The following TEX2 variants were observed in gnomAD, a reference collection of about 807,000 sequenced individuals.
The protein encoded by TEX2 is testis expressed 2, also known as testis-expressed protein 2.
In TEX2, 53 loss-of-function variants were observed where a neutral mutation model predicts 106.9. That is an observed-to-expected ratio of 0.50 (90% CI 0.40 to 0.62). The LOEUF is 0.62. Among genes scored for constraint, TEX2 ranks in the 20% least tolerant of loss-of-function variants. TEX2 has a pLI of 0.00. For missense variants in TEX2, 1,207 were observed against 1,379.0 expected (o/e 0.88, Z 1.98); for synonymous variants, 523 against 534.8 (o/e 0.98, Z 0.30).
intron 1 of TEX2, among the ~76,000 whole-genome samples, chr17:64,262,932 G>A (rs1325298589): frequency 1.3e-5 from 2 of 152,124 alleles, no homozygotes; most frequent in Non-Finnish European, 2.9e-5. Flanking sequence ...CGCCGGAGTC[G>A]AGCCCGAGCC....
chr17:64,206,796 T>C (rs2032848779), intron 2 of TEX2, among the ~76,000 whole-genome samples: 1 of 152,084 alleles, frequency 6.6e-6, no homozygotes, highest in African/African-American at 2.4e-5. Flanking sequence ...ACTCCTGACC[T>C]CACATGATCC....
chr17:64,159,441 A>G (rs1483596241), intron 8 of TEX2, among the ~76,000 whole-genome samples: 1 of 152,132 alleles, frequency 6.6e-6, no homozygotes, highest in Non-Finnish European at 1.5e-5. Context: ...CAGCAGGACA[A>G]GGAATTGAGT....
At chr17:64,208,355 C>T (rs1555631080) in intron 2 of TEX2, among the ~76,000 whole-genome samples, 1 of 151,874 alleles carries the variant, frequency 6.6e-6, no homozygotes, top group Admixed American at 6.6e-5. Context: ...CTTCCTGCCT[C>T]AGCCTCTCGA....
At chr17:64,257,654 C>T (rs1460716395) in intron 1 of TEX2, among the ~76,000 whole-genome samples, 3 of 152,202 alleles carry the variant, frequency 2.0e-5, no homozygotes, top group African/African-American at 7.2e-5. Context: ...TCTCAGTTAT[C>T]AGATCAACTG....
rs544142997 is a variant in TEX2 at position 64,195,509 on chromosome 17, T to C, written c.1645-414A>G. 1.3e-5 allele frequency among the ~76,000 whole-genome samples: 2 copies of C among 152,292 alleles called. No individual in the cohort carries two copies. The highest frequency in any genetic ancestry group is 4.1e-4 in the South Asian group (2 of 4,826). On this transcript the variant is annotated intron_variant, in intron 2 of 11. Coordinates refer to ENST00000584379, the MANE Select transcript of TEX2 (RefSeq NM_001288732.2). This position sits in a 1 kb window ranked among gnomAD's most constrained non-coding sequence, Gnocchi z 4.1. Reference sequence around the variant, plus strand: ...CATGCTCTTCCCAGCCCAGTTGGAATCTTTGAAATTTCAGGTATTAATTCA... The same window carrying C: ...CATGCTCTTCCCAGCCCAGTTGGAACCTTTGAAATTTCAGGTATTAATTCA...
At chr17:64,175,739 G>A (rs2031592633) in intron 6 of TEX2, among the ~76,000 whole-genome samples, 1 of 152,214 alleles carries the variant, frequency 6.6e-6, no homozygotes, top group Non-Finnish European at 1.5e-5. Flanking sequence ...AGCACTCCTG[G>A]CTCAAGTCAG....
chr17:64,211,349 A>G (rs1555631527), intron 2 of TEX2, among the ~76,000 whole-genome samples: 1 of 152,222 alleles, frequency 6.6e-6, no homozygotes, highest in Non-Finnish European at 1.5e-5. Flanking sequence ...TGGAAGCATC[A>G]AACTCCTGGA....
intron 10 of TEX2, 31 bp downstream of exon 10, chr17:64,152,914 C>G (rs376964225): frequency 1.9e-4 from 304 of 1,600,192 alleles, no homozygotes; most frequent in Non-Finnish European, 2.4e-4. Context: ...TAGGAGGAAT[C>G]ACTTATTGTC....
rs373041636 is a variant in TEX2 at position 64,203,179 on chromosome 17, G to A, written c.1645-8084C>T. 2.6e-5 allele frequency among the ~76,000 whole-genome samples: 4 copies of A among 152,330 alleles called. No homozygotes were observed. The East Asian group carries it at 5.8e-4, about 22-fold the overall frequency. On this transcript the variant is annotated intron_variant, in intron 2 of 11. Coordinates refer to ENST00000584379, the MANE Select transcript of TEX2 (RefSeq NM_001288732.2). ...TTGATACTGAGCTGACCAGAGAAAA[G>A]TGCCAGCCCTATAGCCCGAGGAAGT...
In TEX2 at chr17:64,213,498, G is replaced by C; in HGVS notation, c.720C>G (p.Ser240=). The C allele has an allele frequency of 6.2e-7, 1 of 1,614,126 alleles. No homozygotes were observed. The highest frequency in any genetic ancestry group is 8.5e-7 in the Non-Finnish European group (1 of 1,180,000). The change falls in exon 2 of 12, where the codon TCC becomes TCG. Residue 240 remains serine, a synonymous_variant. Coordinates refer to ENST00000584379, the MANE Select transcript of TEX2 (RefSeq NM_001288732.2). The surrounding 1 kb of genome is among the most constrained non-coding windows in gnomAD (Gnocchi z 4.4). ...SDTVSYKPPD[S]KLNLHLFKQF... is the part of the protein sequence containing the mutation. ...GCTTGAACAGGTGTAAGTTCAGTTT[G>C]GAATCAGGTGGCTTATAGGACACTG...
At chr17:64,206,533 G>A (rs1276756764) in intron 2 of TEX2, among the ~76,000 whole-genome samples, 5 of 145,960 alleles carry the variant, frequency 3.4e-5, no homozygotes, top group African/African-American at 1.3e-4. Context: ...CAGCTCTTTG[G>A]CCACATAGAG....
intron 7 of TEX2, among the ~76,000 whole-genome samples, chr17:64,165,017 C>A (rs1197896657): frequency 2.6e-5 from 4 of 152,258 alleles, no homozygotes; most frequent in Admixed American, 6.5e-5. Context: ...ACCCTGCACA[C>A]CTGAACTTGG....
chr17:64,260,863 G>A (rs144143470), intron 1 of TEX2, among the ~76,000 whole-genome samples: 14 of 152,308 alleles, frequency 9.2e-5, no homozygotes, highest in African/African-American at 3.4e-4. Context: ...TAGAGAACAA[G>A]AGACAGTGTG....
intron 1 of TEX2, among the ~76,000 whole-genome samples, chr17:64,237,625 A>C (rs2033798901): frequency 1.3e-5 from 2 of 152,154 alleles, no homozygotes; most frequent in Admixed American, 6.5e-5. Flanking sequence ...GATGAAATGC[A>C]TGGAACTTGA....
chr17:64,187,285 T>C (rs62071562), intron 5 of TEX2, among the ~76,000 whole-genome samples: 12,835 of 152,182 alleles, frequency 0.084, 631 homozygotes, highest in Non-Finnish European at 0.11. Context: ...GACTGAGAAT[T>C]TGAAAATACA....
rs1333113162 is a variant in TEX2 at position 64,171,218 on chromosome 17, C to A, written c.2572-19G>T. 4 of 1,604,512 alleles carry A rather than the reference C, an allele frequency of 2.5e-6. No homozygotes were observed. The African/African-American group carries it at 4.0e-5, about 16-fold the overall frequency. On this transcript the variant is annotated intron_variant, in intron 6 of 11. Transcript: ENST00000584379. ...AGGGGAGCTAGAGGAAACAAGCAAA[C>A]AATGAGTGAGACCCATGAGCAACCT... is the stretch of plus-strand genomic sequence containing the variant.
intron 2 of TEX2, 150 bp downstream of exon 2, chr17:64,212,424 T>G: frequency 1.4e-6 from 1 of 702,858 alleles, no homozygotes; most frequent in South Asian, 1.8e-5. Flanking sequence ...ATGAGTTGAC[T>G]GGGTGCCTGG....
chr17:64,215,743 C>T (rs367639341), intron 1 of TEX2, among the ~76,000 whole-genome samples: 70 of 152,322 alleles, frequency 4.6e-4, no homozygotes, highest in African/African-American at 1.7e-3. Flanking sequence ...CAACACAATA[C>T]GCTTACAAGT....
chr17:64,226,100 A>G (rs1365871911), intron 1 of TEX2, among the ~76,000 whole-genome samples: 2 of 152,090 alleles, frequency 1.3e-5, no homozygotes, highest in East Asian at 3.9e-4. Flanking sequence ...TTAAGATTCC[A>G]TTTTTACTTT....
Sources: gnomAD v4.1 joint callset for allele counts (sites outside exome capture counted in the v4.1 genomes callset) on GRCh38, gnomAD v4.1.1 for gene constraint, Gnocchi (gnomAD v3.1) non-coding constraint, MANE v1.5 for transcripts, NCBI Gene and HGNC (gene_info 2026-07-23, HGNC 2026-07-21) for gene names.